The following SEC63 variants were observed in gnomAD, a reference collection of about 807,000 sequenced individuals.
SEC63 encodes translocation protein SEC63 homolog.
In SEC63, 56 loss-of-function variants were observed where a neutral mutation model predicts 116.2. That is an observed-to-expected ratio of 0.48 (90% CI 0.39 to 0.60). The LOEUF is 0.60. Ranked by LOEUF, SEC63 falls within the 20% of genes least tolerant of loss-of-function variation. SEC63 has a pLI of 0.00. For missense variants in SEC63, 668 were observed against 900.0 expected (o/e 0.74, Z 3.30); for synonymous variants, 273 against 294.6 (o/e 0.93, Z 0.75).
At chr6:107,894,509 A>G (rs1786768428) in intron 14 of SEC63, among the ~76,000 whole-genome samples, 1 of 7,612 alleles carries the variant, frequency 1.3e-4, no homozygotes, top group Admixed American at 1.4e-3. Context: ...CCCCATATCT[A>G]TAAAAAAAAA....
intron 9 of SEC63, 43 bp from the exon 10 acceptor site, chr6:107,906,623 A>G (rs1229911965): frequency 6.2e-7 from 1 of 1,607,652 alleles, no homozygotes. Context: ...GCTTTTTTTA[A>G]AAAAAGTATT....
At chr6:107,883,606 C>A in intron 16 of SEC63, 1 of 156,596 alleles carries the variant, frequency 6.4e-6, no homozygotes, top group Non-Finnish European at 1.4e-5. Context: ...CCAGCATGGG[C>A]AACACAGCAA....
At chr6:107,899,475 G>A (rs1031990936) in intron 13 of SEC63, among the ~76,000 whole-genome samples, 1 of 152,106 alleles carries the variant, frequency 6.6e-6, no homozygotes, top group Non-Finnish European at 1.5e-5. Flanking sequence ...CAGCACTCTG[G>A]GAGGCTGAGG....
At chr6:107,887,010 G>A (rs1268135541) in intron 16 of SEC63, among the ~76,000 whole-genome samples, 1 of 152,114 alleles carries the variant, frequency 6.6e-6, no homozygotes, top group Non-Finnish European at 1.5e-5. Flanking sequence ...GGTTTTTATG[G>A]TTTTAAGTCT....
chr6:107,910,722 T>C (rs1337802226), intron 7 of SEC63, among the ~76,000 whole-genome samples: 1 of 152,298 alleles, frequency 6.6e-6, no homozygotes, highest in East Asian at 1.9e-4. Flanking sequence ...CACATATGTA[T>C]ACATATGTAT....
At chr6:107,911,194 C>T (rs746668761) in intron 7 of SEC63, 152 bp downstream of exon 7, 20 of 660,736 alleles carry the variant, frequency 3.0e-5, no homozygotes, top group East Asian at 2.7e-4. Flanking sequence ...TAGGCTCAAG[C>T]GATCCTCCCA....
chr6:107,934,026 A>G (rs1312870250), intron 1 of SEC63, among the ~76,000 whole-genome samples: 1 of 152,150 alleles, frequency 6.6e-6, no homozygotes, highest in East Asian at 1.9e-4. Context: ...CTCAGTGCTC[A>G]ATGGTGCCCA....
At chr6:107,954,698 C>T (rs931460298) in intron 1 of SEC63, 1 of 152,094 alleles carries the variant, frequency 6.6e-6, no homozygotes, top group African/African-American at 2.4e-5. Flanking sequence ...AAAAAAGTTC[C>T]TTATTCAGAG....
chr6:107,914,698 G>A (rs1365646184), intron 4 of SEC63, among the ~76,000 whole-genome samples: 1 of 152,080 alleles, frequency 6.6e-6, no homozygotes, highest in Non-Finnish European at 1.5e-5. Context: ...CAAAAATTTT[G>A]TCCTAGATCC....
chr6:107,877,158 C>T (rs1303055625), intron 18 of SEC63: 2 of 153,560 alleles, frequency 1.3e-5, no homozygotes, highest in African/African-American at 2.4e-5. Flanking sequence ...TCTGAAAGCA[C>T]GAAACCTCCG....
intron 1 of SEC63, among the ~76,000 whole-genome samples, chr6:107,946,225 G>A (rs777143443): frequency 2.1e-5 from 3 of 143,028 alleles, no homozygotes; most frequent in African/African-American, 7.9e-5. Context: ...ATAAGCCACC[G>A]CACCTGACCT....
At chr6:107,925,986 T>A (rs1273523560) in intron 2 of SEC63, among the ~76,000 whole-genome samples, 2 of 152,116 alleles carry the variant, frequency 1.3e-5, no homozygotes, top group African/African-American at 4.8e-5. Flanking sequence ...CCCGGCTAAT[T>A]TTTGTATTTT....
At chr6:107,951,636 A>C (rs1770581034) in intron 1 of SEC63, among the ~76,000 whole-genome samples, 1 of 152,066 alleles carries the variant, frequency 6.6e-6, no homozygotes, top group Non-Finnish European at 1.5e-5. Context: ...CATAACACCC[A>C]CTCCAGACCA....
Position 107,958,168 on chromosome 6 carries a change from A to G in SEC63, c.-159T>C, listed in dbSNP as rs1478450554. On this transcript the variant is annotated 5_prime_UTR_variant, in exon 1 of 21. Coordinates refer to ENST00000369002, the MANE Select transcript of SEC63 (RefSeq NM_007214.5). ...CCACTCTCACGGACACGCCGCCGCC[A>G]CCTCTGCCGCTGCCGCCGCCGTCGC... 1.9e-5 allele frequency: 21 copies of G among 1,133,800 alleles called. No individual in the cohort carries two copies. Among genetic ancestry groups the G allele is most frequent in the Non-Finnish European group, 2.6e-5 (21 of 800,408 alleles). 70.2% of individuals were successfully genotyped at this position (1,133,800 alleles called of 1,614,324 possible).
chr6:107,911,855 C>T (rs1787292015), intron 6 of SEC63, among the ~76,000 whole-genome samples: 1 of 152,144 alleles, frequency 6.6e-6, no homozygotes, highest in Non-Finnish European at 1.5e-5. Context: ...ATAAGAAGCC[C>T]CTGGCCAAAG....
intron 17 of SEC63, among the ~76,000 whole-genome samples, chr6:107,882,651 AC>A (rs1187477895): frequency 6.6e-6 from 1 of 151,998 alleles, no homozygotes; most frequent in Non-Finnish European, 1.5e-5. Context: ...TTTCACAAAC[AC>A]CTTTCCTTAC....
At chr6:107,953,024 C>T (rs1770611912) in intron 1 of SEC63, among the ~76,000 whole-genome samples, 1 of 152,150 alleles carries the variant, frequency 6.6e-6, no homozygotes, top group African/African-American at 2.4e-5. Flanking sequence ...CTTTGGGACG[C>T]CGAGGCAGGT....
intron 11 of SEC63, among the ~76,000 whole-genome samples, chr6:107,903,544 CA>C (rs780179943): frequency 2.0e-5 from 3 of 152,032 alleles, no homozygotes; most frequent in Non-Finnish European, 4.4e-5. Flanking sequence ...CACCTCTACA[CA>C]AAATGTAAAG....
intron 1 of SEC63, among the ~76,000 whole-genome samples, chr6:107,952,486 A>G (rs1379165059): frequency 1.3e-5 from 2 of 152,292 alleles, no homozygotes; most frequent in Admixed American, 6.5e-5. Context: ...GGCCGGGCAC[A>G]GTGGCTCACA....
Sources: gnomAD v4.1 joint callset for allele counts (sites outside exome capture counted in the v4.1 genomes callset) on GRCh38, gnomAD v4.1.1 for gene constraint, MANE v1.5 for transcripts, NCBI Gene and HGNC (gene_info 2026-07-23, HGNC 2026-07-21) for gene names.